The following ZBTB20 variants were observed in gnomAD, a reference collection of about 807,000 sequenced individuals.
ZBTB20 encodes zinc finger and BTB domain containing 20.
In ZBTB20, 9 loss-of-function variants were observed where a neutral mutation model predicts 56.9. The observed-to-expected ratio is 0.16, with a 90% CI of 0.10 to 0.28. The LOEUF (loss-of-function observed/expected upper bound fraction) is 0.28. Ranked by LOEUF, ZBTB20 falls within the 10% of genes least tolerant of loss-of-function variation. ZBTB20 has a pLI of 1.00. For synonymous variants in ZBTB20, 417 were observed against 420.7 expected (o/e 0.99, Z 0.11); for missense variants, 655 against 1,003.0 (o/e 0.65, Z 4.69).
rs548343720 is a variant in ZBTB20 at position 114,967,729 on chromosome 3, G to C, written c.-456+6637C>G. On this transcript the variant is annotated intron_variant, in intron 3 of 11. Coordinates refer to ENST00000675478, the MANE Select transcript of ZBTB20 (RefSeq NM_001348800.3). The stretch of plus-strand genomic sequence containing the variant: ...CTCAACACTTTGGGAGGCCGAAGCG[G>C]GTGGATCACCCGAGGTCAGGAGTTC... Among the ~76,000 whole-genome samples the C allele has an allele frequency of 2.6e-4, 39 of 152,212 alleles. 2 individuals carry two copies. The South Asian group carries it at 8.1e-3, about 32-fold the overall frequency.
intron 3 of ZBTB20, among the ~76,000 whole-genome samples, chr3:114,920,171 A>G (rs2075903328): frequency 6.6e-6 from 1 of 152,214 alleles, no homozygotes; most frequent in Admixed American, 6.5e-5. Context: ...CACCAGTATA[A>G]TAATAGTAAA....
At chr3:114,553,963 G>A (rs73224511) in intron 6 of ZBTB20, among the ~76,000 whole-genome samples, 249 of 152,280 alleles carry the variant, frequency 1.6e-3, no homozygotes, top group Non-Finnish European at 3.0e-3. Context: ...ATGTACAGAT[G>A]AGCTTGTGAT....
chr3:114,577,263 T>TA (rs1156509715), intron 6 of ZBTB20, among the ~76,000 whole-genome samples: 7 of 150,696 alleles, frequency 4.6e-5, no homozygotes, highest in African/African-American at 1.7e-4. Flanking sequence ...CATATAAATT[T>TA]AAAAAAAAAG....
chr3:115,097,862 T>C (rs973310918), intron 1 of ZBTB20, among the ~76,000 whole-genome samples: 16 of 152,244 alleles, frequency 1.1e-4, no homozygotes, highest in Non-Finnish European at 2.2e-4. Flanking sequence ...CATTTTATAA[T>C]GTCCTTCTGT....
intron 4 of ZBTB20, chr3:114,873,971 C>G (rs1215170207): frequency 6.6e-6 from 1 of 152,118 alleles, no homozygotes; most frequent in African/African-American, 2.4e-5. Context: ...ACTGCCTGGA[C>G]AAATAACTTA....
chr3:114,927,372 G>A (rs886864663), intron 3 of ZBTB20, among the ~76,000 whole-genome samples: 2 of 152,162 alleles, frequency 1.3e-5, no homozygotes, highest in African/African-American at 4.8e-5. Context: ...TGCTCCGACT[G>A]TCTTGGGCAC....
In ZBTB20 at chr3:115,052,099, C is replaced by T. The variant is rs112229086; in HGVS notation, c.-507+19120G>A. The stretch of plus-strand genomic sequence containing the variant: ...TTTGGGTGGGGACACAGAGCCCAAC[C>T]ATATCAGTGAAATCCTAATTGATGA... On this transcript the variant is annotated intron_variant, in intron 2 of 11. Transcript: ENST00000675478. 5.9e-3 allele frequency among the ~76,000 whole-genome samples: 893 copies of T among 152,114 alleles called. 12 individuals are homozygous for T. The highest frequency in any genetic ancestry group is 0.021 in the African/African-American group (864 of 41,498).
intron 7 of ZBTB20, among the ~76,000 whole-genome samples, chr3:114,399,512 T>C (rs1180296704): frequency 6.6e-6 from 1 of 152,198 alleles, no homozygotes; most frequent in African/African-American, 2.4e-5. Context: ...TAATCAATAA[T>C]AAGTATTTTT....
At chr3:114,848,599 AG>A (rs1234052969) in intron 4 of ZBTB20, among the ~76,000 whole-genome samples, 1 of 152,134 alleles carries the variant, frequency 6.6e-6, no homozygotes, top group Non-Finnish European at 1.5e-5. Flanking sequence ...CTCTACATGT[AG>A]TTGTTTTTTC....
chr3:114,585,177 G>C (rs1384958051), intron 6 of ZBTB20, among the ~76,000 whole-genome samples: 1 of 151,990 alleles, frequency 6.6e-6, no homozygotes, highest in Non-Finnish European at 1.5e-5. Context: ...ACACAGTGTA[G>C]GAGTACTCCC....
At chr3:115,029,070 CAT>C (rs921442263) in intron 2 of ZBTB20, among the ~76,000 whole-genome samples, 24 of 150,050 alleles carry the variant, frequency 1.6e-4, no homozygotes, top group African/African-American at 4.9e-4. Flanking sequence ...TACACACACA[CAT>C]ACACACACAC....
intron 7 of ZBTB20, among the ~76,000 whole-genome samples, chr3:114,389,555 A>T (rs552804230): frequency 1.5e-4 from 23 of 152,070 alleles, no homozygotes; most frequent in African/African-American, 5.1e-4. Flanking sequence ...ATGTTTTGAT[A>T]CATGTATACA....
At chr3:114,346,729 G>A (rs1402272594) in intron 11 of ZBTB20, among the ~76,000 whole-genome samples, 6 of 148,598 alleles carry the variant, frequency 4.0e-5, no homozygotes, top group African/African-American at 1.0e-4. Flanking sequence ...TATGTTGCCC[G>A]GGGTGGAGTG....
intron 4 of ZBTB20, among the ~76,000 whole-genome samples, chr3:114,847,063 G>C (rs1287665002): frequency 6.6e-6 from 1 of 152,094 alleles, no homozygotes; most frequent in Non-Finnish European, 1.5e-5. Context: ...TCTGAGAGAG[G>C]AGAAGTTTCA....
intron 10 of ZBTB20, among the ~76,000 whole-genome samples, chr3:114,379,518 G>A (rs1306203236): frequency 6.6e-6 from 1 of 152,220 alleles, no homozygotes; most frequent in Non-Finnish European, 1.5e-5. Context: ...TCCCAGATTA[G>A]TGGGAAGATG....
At chr3:114,879,657 C>T (rs1038628304) in intron 4 of ZBTB20, among the ~76,000 whole-genome samples, 1 of 152,156 alleles carries the variant, frequency 6.6e-6, no homozygotes, top group African/African-American at 2.4e-5. Context: ...GTTTCTGAGG[C>T]TCATTAGATC....
chr3:114,710,828 C>T (rs903808756), intron 5 of ZBTB20, among the ~76,000 whole-genome samples: 1 of 152,130 alleles, frequency 6.6e-6, no homozygotes, highest in Non-Finnish European at 1.5e-5. Flanking sequence ...TTAAAAAAAT[C>T]CTCTATAGCT....
chr3:114,692,965 C>T (rs901809686), intron 6 of ZBTB20, among the ~76,000 whole-genome samples: 8 of 152,096 alleles, frequency 5.3e-5, no homozygotes, highest in African/African-American at 1.9e-4. Context: ...TTGGTAAGTA[C>T]AAGAGCAACC....
At chr3:114,527,784 A>C (rs559525929) in intron 6 of ZBTB20, among the ~76,000 whole-genome samples, 1 of 152,336 alleles carries the variant, frequency 6.6e-6, no homozygotes, top group South Asian at 2.1e-4. Flanking sequence ...GATATATAAG[A>C]GACTTATTAT....
Sources: gnomAD v4.1 joint callset for allele counts (sites outside exome capture counted in the v4.1 genomes callset) on GRCh38, gnomAD v4.1.1 for gene constraint, MANE v1.5 for transcripts, NCBI Gene and HGNC (gene_info 2026-07-23, HGNC 2026-07-21) for gene names.